Variants in TNS3 observed in about 807,000 individuals in gnomAD.
The protein encoded by TNS3 is tensin-3.
TNS3 carries 45 observed loss-of-function variants against 140.9 expected under a neutral mutation model. The ratio of observed to expected loss-of-function variants is 0.32; its 90% CI spans 0.25 to 0.41. The LOEUF (loss-of-function observed/expected upper bound fraction) is 0.41, where lower values mean the gene tolerates loss of function less well. Among genes scored for constraint, TNS3 ranks in the 10% least tolerant of loss-of-function variants. TNS3 has a pLI of 1.00. For missense variants in TNS3, 1,716 were observed against 1,906.7 expected, an observed-to-expected ratio of 0.90 and a Z score of 1.86; for synonymous variants, 815 against 788.4, an observed-to-expected ratio of 1.03 and a Z score of -0.56.
In TNS3 at chr7:47,345,029, G is replaced by A; in HGVS notation, c.2461C>T (p.Pro821Ser). The A allele has an allele frequency of 6.2e-7, 1 of 1,613,744 alleles. No homozygotes were observed. Among genetic ancestry groups the A allele is most frequent in the South Asian group, 1.1e-5 (1 of 91,070 alleles). Residue 821 changes from proline (P) to serine (S), a missense_variant, in exon 19 of 31, where the codon CCT (proline) becomes TCT (serine). Around this residue, in one of 3 missense-constraint regions of TNS3, gnomAD observed 1,163 missense variants for 1,182.1 expected, o/e 0.98. Coordinates refer to ENST00000311160, the MANE Select transcript of TNS3 (RefSeq NM_022748.12). ...ATATCGAGGTCCTGGGGATAGCCAG[G>A]GGTCATCGTCTGAAATTGGCACAGG... ...SPADVKETMT[P>S]GYPQDLDIID...
At chr7:47,506,817 T>G in intron 3 of TNS3, 90 bp downstream of exon 3, 1 of 1,006,968 alleles carries the variant, frequency 9.9e-7, no homozygotes, top group South Asian at 1.4e-5. Flanking sequence ...TTTCCGTGGC[T>G]GCAGTCCAAA....
At chr7:47,488,414 G>A (rs1797688699) in intron 3 of TNS3, among the ~76,000 whole-genome samples, 1 of 152,160 alleles carries the variant, frequency 6.6e-6, no homozygotes, top group African/African-American at 2.4e-5. Flanking sequence ...TAGTCCTGGA[G>A]GCTAGGAGGC....
At chr7:47,362,543 T>C (rs1272011502) in intron 17 of TNS3, among the ~76,000 whole-genome samples, 2 of 152,128 alleles carry the variant, frequency 1.3e-5, no homozygotes, top group African/African-American at 4.8e-5. Context: ...CCTCAACAGG[T>C]TTACTGGCTG....
chr7:47,437,170 A>G, intron 7 of TNS3, 93 bp downstream of exon 7: 1 of 802,278 alleles, frequency 1.2e-6, no homozygotes, highest in Non-Finnish European at 2.0e-6. Flanking sequence ...ATCAAGTCAC[A>G]TTCCACAAAG....
rs1166112488 is a variant in TNS3, at chr7:47,280,353, G to A, written c.4099C>T (p.Leu1367Phe). Residue 1367 changes from leucine to phenylalanine, a missense_variant and splice_region_variant, in exon 29 of 31, where the codon CTC (leucine) becomes TTC (phenylalanine). This residue lies in a region of TNS3 where 216 missense variants were observed against 295.7 expected (regional missense o/e 0.73). Transcript: ENST00000311160. ...ACGGGGTAATGCCTCCGGAAGAAGA[G>A]CCTGTTGGGACATGGGGGAGAGAGG... is the stretch of plus-strand genomic sequence containing the variant. ...GITLTDNQRK[L>F]FFRRHYPVNS... The A allele has an allele frequency of 1.2e-6, 2 of 1,614,126 alleles. No homozygotes were observed. The highest frequency in any genetic ancestry group is 8.5e-7 in the Non-Finnish European group (1 of 1,180,018).
chr7:47,505,717 T>TTGTGTGTGTG (rs58992722), intron 3 of TNS3, among the ~76,000 whole-genome samples: 71 of 150,128 alleles, frequency 4.7e-4, no homozygotes, highest in African/African-American at 1.7e-3. Context: ...TCTTCCAACT[T>TTGTGTGTGTG]TGTGTGTGTG....
chr7:47,439,712 C>CA, intron 5 of TNS3, 54 bp from the exon 6 acceptor site: 1 of 1,581,168 alleles, frequency 6.3e-7, no homozygotes, highest in Non-Finnish European at 8.6e-7. Flanking sequence ...AGCAGACATT[C>CA]ATCCTCTAGG....
At chr7:47,397,937 T>C (rs1394834269) in intron 15 of TNS3, among the ~76,000 whole-genome samples, 1 of 152,158 alleles carries the variant, frequency 6.6e-6, no homozygotes, top group African/African-American at 2.4e-5. Context: ...ATTAGCTAGA[T>C]TAACCAAGAA....
Position 47,442,161 on chromosome 7 carries a change from C to G in TNS3, c.-75-106G>C, listed in dbSNP as rs979054872. 9.0e-6 allele frequency: 6 copies of G among 664,252 alleles called. No individual in the cohort carries two copies. The African/African-American group carries it at 1.1e-4, about 13-fold the overall frequency. The allele number at this position is 664,252 out of a possible 1,614,324, so 41.1% of individuals were successfully genotyped here. ...AATGACAGCCGTTCCACAGTTTAAT[C>G]ATAAACAGCAAGTCAATCGTAACTA... On this transcript the variant is annotated intron_variant, in intron 4 of 30. Coordinates refer to ENST00000311160, the MANE Select transcript of TNS3 (RefSeq NM_022748.12).
At chr7:47,335,020 T>C (rs1465013837) in intron 20 of TNS3, among the ~76,000 whole-genome samples, 1 of 152,230 alleles carries the variant, frequency 6.6e-6, no homozygotes, top group Non-Finnish European at 1.5e-5. Context: ...ACATCTTACA[T>C]TTCATAATTT....
At chr7:47,456,487 A>G (rs1796251378) in intron 4 of TNS3, among the ~76,000 whole-genome samples, 1 of 152,190 alleles carries the variant, frequency 6.6e-6, no homozygotes, top group Non-Finnish European at 1.5e-5. Context: ...GTAAGCATGC[A>G]AAGTGCTTAA....
intron 1 of TNS3, among the ~76,000 whole-genome samples, chr7:47,559,091 C>A (rs188289813): frequency 1.2e-3 from 187 of 152,340 alleles, no homozygotes; most frequent in African/African-American, 4.0e-3. Flanking sequence ...GTGGTTCACA[C>A]CTGTAATCCC....
At chr7:47,335,730 A>C (rs1310048446) in intron 20 of TNS3, among the ~76,000 whole-genome samples, 1 of 152,132 alleles carries the variant, frequency 6.6e-6, no homozygotes, top group African/African-American at 2.4e-5. Context: ...CTGAGTGTTG[A>C]TCAGGTCTGG....
At chr7:47,554,776 A>C (rs770541980) in intron 1 of TNS3, among the ~76,000 whole-genome samples, 6 of 152,228 alleles carry the variant, frequency 3.9e-5, no homozygotes, top group Non-Finnish European at 7.3e-5. Flanking sequence ...CACACCTGTA[A>C]TCCCAGCATT....
chr7:47,342,136 A>C (rs1789055621), intron 20 of TNS3, among the ~76,000 whole-genome samples: 2 of 152,146 alleles, frequency 1.3e-5, no homozygotes, highest in Admixed American at 1.3e-4. Context: ...AGATATTATA[A>C]ATAAGGCCTA....
intron 3 of TNS3, among the ~76,000 whole-genome samples, chr7:47,485,041 G>A (rs1486907440): frequency 6.6e-6 from 1 of 152,220 alleles, no homozygotes; most frequent in Non-Finnish European, 1.5e-5. Context: ...TCCTGCAGAC[G>A]CCAACCAGAA....
chr7:47,512,410 T>C (rs2151897568), intron 2 of TNS3, among the ~76,000 whole-genome samples: 1 of 152,350 alleles, frequency 6.6e-6, no homozygotes, highest in African/African-American at 2.4e-5. Context: ...AACAGGGTGA[T>C]AGCCAAGATT....
At position 47,416,650 on chromosome 7, in the gene TNS3, C is replaced by T. The variant is rs138985738; in HGVS notation, c.474-1444G>A. ...CGTGGGGACCCTGTGAGGCTGATGA[C>T]CAGACTTCAGTGGACCTCCAGGCAG... On this transcript the variant is annotated intron_variant, in intron 10 of 30. Coordinates refer to ENST00000311160, the MANE Select transcript of TNS3 (RefSeq NM_022748.12). 2.7e-4 allele frequency among the ~76,000 whole-genome samples: 41 copies of T among 152,228 alleles called. No individual in the cohort carries two copies. The East Asian group carries it at 7.9e-3, about 29-fold the overall frequency.
chr7:47,551,929 G>T (rs1057367561), intron 1 of TNS3, among the ~76,000 whole-genome samples: 3 of 152,080 alleles, frequency 2.0e-5, no homozygotes, highest in Non-Finnish European at 1.5e-5. Flanking sequence ...CTACAAAACC[G>T]TGTGTCCACC....
Sources: gnomAD v4.1 joint callset for allele counts (sites outside exome capture counted in the v4.1 genomes callset) on GRCh38, gnomAD v4.1.1 for gene constraint, gnomAD v4.1.1 regional missense constraint, MANE v1.5 for transcripts, NCBI Gene and HGNC (gene_info 2026-07-23, HGNC 2026-07-21) for gene names.